Variants in ADGRL3 observed in about 807,000 individuals in gnomAD.
ADGRL3 encodes the protein adhesion G protein-coupled receptor L3.
A neutral mutation model predicts 153.5 loss-of-function variants in ADGRL3; 62 were observed. The ratio of observed to expected loss-of-function variants is 0.40; its 90% CI spans 0.33 to 0.50. The LOEUF (loss-of-function observed/expected upper bound fraction) is 0.50. ADGRL3 is among the 20% of genes least tolerant of loss of function. The pLI is 0.47. For missense variants in ADGRL3, 1,641 were observed against 1,859.4 expected (o/e 0.88, Z 2.16); for synonymous variants, 710 against 672.5 (o/e 1.06, Z -0.86).
At chr4:61,678,620 A>G (rs944294618) in intron 6 of ADGRL3, among the ~76,000 whole-genome samples, 1 of 152,110 alleles carries the variant, frequency 6.6e-6, no homozygotes, top group East Asian at 1.9e-4. Flanking sequence ...GAGATTGGCA[A>G]TTTGGTTCCT....
At chr4:61,824,762 T>C (rs1349931605) in intron 9 of ADGRL3, among the ~76,000 whole-genome samples, 1 of 152,226 alleles carries the variant, frequency 6.6e-6, no homozygotes, top group Non-Finnish European at 1.5e-5. Context: ...CATGCCACTC[T>C]GGAGAATCTT....
At chr4:61,959,591 A>T (rs2098980369) in intron 17 of ADGRL3, among the ~76,000 whole-genome samples, 1 of 152,170 alleles carries the variant, frequency 6.6e-6, no homozygotes. Flanking sequence ...TTTTAATTCC[A>T]TACCATGGAT....
intron 1 of ADGRL3, among the ~76,000 whole-genome samples, chr4:61,322,633 T>G: frequency 6.6e-6 from 1 of 152,170 alleles, no homozygotes; most frequent in Admixed American, 6.5e-5. Context: ...GACAGTCAAA[T>G]GTTAGAGCTA....
chr4:61,448,701 AAGGAAAGAAAGAAGGAAG>A (rs2097620884), intron 2 of ADGRL3, among the ~76,000 whole-genome samples: 9 of 20,534 alleles, frequency 4.4e-4, no homozygotes, highest in Non-Finnish European at 1.8e-3. Flanking sequence ...GATAGGAACG[AAGGAAAGAAAGAAGGAAG>A]GAAGGAGAGA....
At chr4:61,981,920 A>G (rs1226146751) in intron 18 of ADGRL3, among the ~76,000 whole-genome samples, 2 of 152,206 alleles carry the variant, frequency 1.3e-5, no homozygotes, top group Non-Finnish European at 2.9e-5. Context: ...TTAATTGGGC[A>G]TCATATACTA....
At chr4:61,806,217 TG>T (rs943962371) in intron 8 of ADGRL3, among the ~76,000 whole-genome samples, 1 of 152,124 alleles carries the variant, frequency 6.6e-6, no homozygotes, top group African/African-American at 2.4e-5. Flanking sequence ...CATCACTGAA[TG>T]TTTTCATTTA....
chr4:61,878,132 A>G (rs1376704031), intron 9 of ADGRL3, among the ~76,000 whole-genome samples: 2 of 152,212 alleles, frequency 1.3e-5, no homozygotes, highest in Admixed American at 1.3e-4. Flanking sequence ...GAAACAGACT[A>G]ACCCACATCC....
chr4:61,723,930 G>A (rs182333664), intron 6 of ADGRL3, among the ~76,000 whole-genome samples: 1 of 152,208 alleles, frequency 6.6e-6, no homozygotes, highest in African/African-American at 2.4e-5. Flanking sequence ...GAGTTTCGAT[G>A]AGGATGAAAT....
At chr4:61,767,079 A>C (rs912187489) in intron 8 of ADGRL3, among the ~76,000 whole-genome samples, 1 of 151,884 alleles carries the variant, frequency 6.6e-6, no homozygotes, top group Non-Finnish European at 1.5e-5. Context: ...TTAGGTTTTA[A>C]TGAGATGGTA....
chr4:61,950,894 T>G (rs111417251), intron 17 of ADGRL3, among the ~76,000 whole-genome samples: 1 of 152,312 alleles, frequency 6.6e-6, no homozygotes, highest in African/African-American at 2.4e-5. Flanking sequence ...GAGCCATGTT[T>G]TGTGCCCTGA....
At chr4:61,579,370 G>C (rs939251420) in intron 4 of ADGRL3, among the ~76,000 whole-genome samples, 1 of 152,072 alleles carries the variant, frequency 6.6e-6, no homozygotes, top group Non-Finnish European at 1.5e-5. Flanking sequence ...TTGACATTTA[G>C]AAGATTGGGA....
intron 25 of ADGRL3, among the ~76,000 whole-genome samples, chr4:62,065,937 A>G (rs537239601): frequency 6.6e-6 from 1 of 152,190 alleles, no homozygotes; most frequent in African/African-American, 2.4e-5. Context: ...TGGATTGTCA[A>G]TAAATACACA....
At chr4:61,998,527 C>G in intron 21 of ADGRL3, among the ~76,000 whole-genome samples, 1 of 151,256 alleles carries the variant, frequency 6.6e-6, no homozygotes, top group East Asian at 1.9e-4. Context: ...TTCATTGTGT[C>G]CTGAAAACAA....
chr4:61,917,431 T>C (rs1352018403), intron 13 of ADGRL3, among the ~76,000 whole-genome samples: 9 of 152,246 alleles, frequency 5.9e-5, no homozygotes, highest in Admixed American at 5.9e-4. Flanking sequence ...TAATTTGCTT[T>C]GAGGTCTTTT....
chr4:61,566,917 T>C (rs1351968496), intron 4 of ADGRL3, among the ~76,000 whole-genome samples: 2 of 152,328 alleles, frequency 1.3e-5, no homozygotes, highest in East Asian at 1.9e-4. Context: ...GAATTACCCA[T>C]ATTGTCTCAT....
intron 4 of ADGRL3, among the ~76,000 whole-genome samples, chr4:61,544,646 C>T (rs943669640): frequency 6.6e-6 from 1 of 152,126 alleles, no homozygotes; most frequent in African/African-American, 2.4e-5. Flanking sequence ...TTAGTTTTCA[C>T]ATTTATAATC....
intron 6 of ADGRL3, among the ~76,000 whole-genome samples, chr4:61,684,677 G>T (rs1485310524): frequency 6.6e-6 from 1 of 152,184 alleles, no homozygotes; most frequent in East Asian, 1.9e-4. Flanking sequence ...AAAGTCTGGA[G>T]CAACACAGAC....
chr4:61,380,836 A>T (rs1157375608), intron 1 of ADGRL3, among the ~76,000 whole-genome samples: 3 of 152,052 alleles, frequency 2.0e-5, no homozygotes, highest in African/African-American at 7.2e-5. Context: ...TCCTTTTAAA[A>T]GATCCCTTTT....
chr4:61,802,565 C>T (rs2097510860), intron 8 of ADGRL3, among the ~76,000 whole-genome samples: 1 of 152,026 alleles, frequency 6.6e-6, no homozygotes, highest in Non-Finnish European at 1.5e-5. Flanking sequence ...ATGAGCACTG[C>T]TCATCGGTCA....
Sources: gnomAD v4.1 joint callset for allele counts (sites outside exome capture counted in the v4.1 genomes callset) on GRCh38, gnomAD v4.1.1 for gene constraint, MANE v1.5 for transcripts, NCBI Gene and HGNC (gene_info 2026-07-23, HGNC 2026-07-21) for gene names.